ARID4B: variants seen among roughly 807,000 people sequenced by gnomAD.
ARID4B encodes the protein AT-rich interactive domain-containing protein 4B.
ARID4B carries 26 observed loss-of-function variants against 147.5 expected under a neutral mutation model. That is an observed-to-expected ratio of 0.18 (90% CI 0.13 to 0.24). The LOEUF (loss-of-function observed/expected upper bound fraction) is 0.24, where lower values mean the gene tolerates loss of function less well. ARID4B is among the 10% of genes least tolerant of loss of function. The probability of loss-of-function intolerance (pLI) is 1.00; values close to 1 mark genes in which losing one functional copy is unlikely to be tolerated. For missense variants in ARID4B, 1,179 were observed against 1,511.5 expected, an observed-to-expected ratio of 0.78 and a Z score of 3.65; for synonymous variants, 512 against 507.9, an observed-to-expected ratio of 1.01 and a Z score of -0.11.
chr1:235,177,562 GTT>G (rs1663976248), intron 21 of ARID4B: 2 of 336,240 alleles, frequency 5.9e-6, no homozygotes, highest in Admixed American at 4.4e-5. Context: ...TGCCATGTTG[GTT>G]TGCTGCACCC....
chr1:235,309,535 G>C (rs1220519358), intron 2 of ARID4B, among the ~76,000 whole-genome samples: 1 of 147,628 alleles, frequency 6.8e-6, no homozygotes, highest in African/African-American at 2.5e-5. Context: ...CAGCCGCCCC[G>C]TCCGGGAGGG....
At chr1:235,248,713 CCA>C (rs1669456493) in intron 6 of ARID4B, among the ~76,000 whole-genome samples, 1 of 152,146 alleles carries the variant, frequency 6.6e-6, no homozygotes, top group Non-Finnish European at 1.5e-5. Flanking sequence ...AAATAAGAGA[CCA>C]CAGTCTCTCC....
chr1:235,264,610 A>G (rs16832511), intron 2 of ARID4B, among the ~76,000 whole-genome samples: 6,105 of 152,318 alleles, frequency 0.04, 462 homozygotes, highest in African/African-American at 0.14. Flanking sequence ...AACAGAGTCA[A>G]TATTAGAAAG....
chr1:235,260,528 C>T, intron 3 of ARID4B, 114 bp downstream of exon 3: 2 of 644,132 alleles, frequency 3.1e-6, no homozygotes, highest in Non-Finnish European at 5.0e-6. Flanking sequence ...GGTATTTTTA[C>T]AACCTTCACT....
chr1:235,326,906 A>C lies in ARID4B; in HGVS notation c.6+8T>G. On this transcript the variant is annotated splice_region_variant and intron_variant, in intron 2 of 23. Coordinates refer to ENST00000264183, the MANE Select transcript of ARID4B (RefSeq NM_016374.6). ...CCCCAGAGATTCGTTTTCCGCAGGC[A>C]ATCTTACCTTCATGATGACTCTGGG... 6.2e-7 allele frequency: 1 copy of C among 1,614,016 alleles called. No individual in the cohort carries two copies. Among genetic ancestry groups the C allele is most frequent in the Non-Finnish European group, 8.5e-7 (1 of 1,179,924 alleles).
At chr1:235,325,008 A>G (rs1161260150) in intron 2 of ARID4B, among the ~76,000 whole-genome samples, 1 of 152,266 alleles carries the variant, frequency 6.6e-6, no homozygotes, top group African/African-American at 2.4e-5. Context: ...TCTGAATTGC[A>G]ATTTTTGCTA....
At chr1:235,274,352 G>A (rs923760547) in intron 2 of ARID4B, among the ~76,000 whole-genome samples, 1 of 152,010 alleles carries the variant, frequency 6.6e-6, no homozygotes, top group Non-Finnish European at 1.5e-5. Flanking sequence ...TCCAGCCTGG[G>A]TGACAGTGAG....
chr1:235,264,568 A>G (rs1245785747), intron 2 of ARID4B, among the ~76,000 whole-genome samples: 1 of 152,174 alleles, frequency 6.6e-6, no homozygotes, highest in African/African-American at 2.4e-5. Flanking sequence ...TGAACCTCTC[A>G]CCTCTCTAAG....
intron 6 of ARID4B, among the ~76,000 whole-genome samples, chr1:235,251,006 AT>A (rs1669609416): frequency 6.6e-6 from 1 of 152,216 alleles, no homozygotes; most frequent in Non-Finnish European, 1.5e-5. Flanking sequence ...AATTAAAATA[AT>A]TCCACGAACT....
At chr1:235,314,932 G>A (rs147966793) in intron 2 of ARID4B, among the ~76,000 whole-genome samples, 1 of 152,062 alleles carries the variant, frequency 6.6e-6, no homozygotes, top group Non-Finnish European at 1.5e-5. Flanking sequence ...GATGTTCAAT[G>A]AAACTTACTA....
chr1:235,289,128 A>T (rs1444074763), intron 2 of ARID4B, among the ~76,000 whole-genome samples: 38 of 152,248 alleles, frequency 2.5e-4, no homozygotes, highest in Admixed American at 2.2e-3. Context: ...TATTCATCAC[A>T]GATGCAAGTC....
intron 21 of ARID4B, among the ~76,000 whole-genome samples, chr1:235,176,295 T>C (rs1194558089): frequency 6.6e-6 from 1 of 151,850 alleles, no homozygotes; most frequent in Non-Finnish European, 1.5e-5. Context: ...TCTTAGGAAA[T>C]GTCATTTAAA....
intron 2 of ARID4B, among the ~76,000 whole-genome samples, chr1:235,313,858 C>T (rs1674250928): frequency 6.6e-6 from 1 of 152,146 alleles, no homozygotes; most frequent in Non-Finnish European, 1.5e-5. Flanking sequence ...ACTAAACATT[C>T]TGTTTTTAAG....
intron 6 of ARID4B, among the ~76,000 whole-genome samples, chr1:235,248,889 G>GTA (rs147692077): frequency 1.3e-5 from 2 of 152,232 alleles, no homozygotes; most frequent in East Asian, 3.9e-4. Flanking sequence ...CCTGAAAGCT[G>GTA]TATTAAAGGC....
chr1:235,261,530 G>C (rs1210999016), intron 2 of ARID4B, among the ~76,000 whole-genome samples: 1 of 151,836 alleles, frequency 6.6e-6, no homozygotes, highest in Non-Finnish European at 1.5e-5. Flanking sequence ...TCTCAAAAAA[G>C]CAAACAAAAA....
chr1:235,175,502 G>C, intron 21 of ARID4B, 103 bp from the exon 22 acceptor site: 1 of 902,092 alleles, frequency 1.1e-6, no homozygotes, highest in Middle Eastern at 3.0e-4. Flanking sequence ...TAGTCCTACA[G>C]AAAACAACCT....
Position 235,181,790 on chromosome 1 carries a change from A to C in ARID4B, c.3129T>G (p.Ser1043=). The C allele has an allele frequency of 6.2e-7, 1 of 1,614,196 alleles. No homozygotes were observed. Among genetic ancestry groups the C allele is most frequent in the Non-Finnish European group, 8.5e-7 (1 of 1,180,018 alleles). The change falls in exon 20 of 24, where the codon TCT becomes TCG. Residue 1043 remains serine, a synonymous_variant. Coordinates refer to ENST00000264183, the MANE Select transcript of ARID4B (RefSeq NM_016374.6). ...VTVTEGSRQQ[S]SVTVSEPLAP... The stretch of plus-strand genomic sequence containing the variant: ...CCAGTGGTTCTGATACTGTTACAGA[A>C]GACTGCTGCCGGCTGCCTTCTGTTA...
At chr1:235,203,087 A>C (rs1328188261) in intron 17 of ARID4B, among the ~76,000 whole-genome samples, 1 of 152,266 alleles carries the variant, frequency 6.6e-6, no homozygotes, top group Non-Finnish European at 1.5e-5. Flanking sequence ...TTCTGAAAGA[A>C]GCCACCACAC....
chr1:235,260,614 C>A (rs769167258), intron 3 of ARID4B, 28 bp downstream of exon 3: 9 of 1,480,472 alleles, frequency 6.1e-6, no homozygotes, highest in African/African-American at 5.7e-5. Context: ...GCTGAACATA[C>A]AATTTATGAA....
Sources: gnomAD v4.1 joint callset for allele counts (sites outside exome capture counted in the v4.1 genomes callset) on GRCh38, gnomAD v4.1.1 for gene constraint, MANE v1.5 for transcripts, NCBI Gene and HGNC (gene_info 2026-07-23, HGNC 2026-07-21) for gene names.